Variants in FMNL2 observed in about 807,000 individuals in gnomAD.
The protein encoded by FMNL2 is formin like 2.
FMNL2 carries 51 observed loss-of-function variants against 130.2 expected under a neutral mutation model. The ratio of observed to expected loss-of-function variants is 0.39; its 90% CI spans 0.31 to 0.49. The LOEUF (loss-of-function observed/expected upper bound fraction) is 0.49, where lower values mean the gene tolerates loss of function less well. Ranked by LOEUF, FMNL2 falls within the 20% of genes least tolerant of loss-of-function variation. FMNL2 has a pLI of 0.85. For synonymous variants in FMNL2, 465 were observed against 467.1 expected (o/e 1.00, Z 0.06); for missense variants, 977 against 1,316.2 (o/e 0.74, Z 3.99).
At chr2:152,369,107 A>C (rs1683728639) in intron 1 of FMNL2, among the ~76,000 whole-genome samples, 1 of 152,168 alleles carries the variant, frequency 6.6e-6, no homozygotes, top group African/African-American at 2.4e-5. Flanking sequence ...GGATCTTCTA[A>C]AGTGATTCTT....
chr2:152,591,154 G>A (rs1276600375), intron 9 of FMNL2, among the ~76,000 whole-genome samples: 2 of 151,426 alleles, frequency 1.3e-5, no homozygotes, highest in South Asian at 2.1e-4. Context: ...GACTACAGGC[G>A]AGTGCCACCA....
chr2:152,393,088 C>T (rs538372707), intron 1 of FMNL2, among the ~76,000 whole-genome samples: 1 of 152,326 alleles, frequency 6.6e-6, no homozygotes, highest in South Asian at 2.1e-4. Context: ...CTTCACCCTT[C>T]CCTCATCTTT....
At chr2:152,346,338 T>C (rs1682121245) in intron 1 of FMNL2, among the ~76,000 whole-genome samples, 1 of 152,122 alleles carries the variant, frequency 6.6e-6, no homozygotes, top group Non-Finnish European at 1.5e-5. Flanking sequence ...ACTTTTATTA[T>C]TTCACCAGTA....
At chr2:152,386,954 T>A (rs1318215713) in intron 1 of FMNL2, among the ~76,000 whole-genome samples, 1 of 152,148 alleles carries the variant, frequency 6.6e-6, no homozygotes, top group African/African-American at 2.4e-5. Flanking sequence ...TGTTTTTTCT[T>A]CCCAGATTCC....
intron 1 of FMNL2, among the ~76,000 whole-genome samples, chr2:152,424,488 T>G (rs751990553): frequency 8.9e-4 from 136 of 152,030 alleles, no homozygotes; most frequent in Admixed American, 2.2e-3. Context: ...CCTCCTGGGT[T>G]CAAGTGATTC....
At chr2:152,335,853 C>T (rs1470021601) in intron 1 of FMNL2, 133 bp downstream of exon 1, 2 of 573,008 alleles carry the variant, frequency 3.5e-6, no homozygotes. Context: ...CCCGCTTTCC[C>T]CTTTGTGGCC....
At chr2:152,486,243 A>G (rs1430307575) in intron 1 of FMNL2, among the ~76,000 whole-genome samples, 2 of 152,234 alleles carry the variant, frequency 1.3e-5, no homozygotes, top group African/African-American at 4.8e-5. Context: ...ATTTACGGGA[A>G]GTTCCCGTGC....
intron 2 of FMNL2, among the ~76,000 whole-genome samples, chr2:152,536,356 C>G (rs1693994315): frequency 6.6e-6 from 1 of 152,158 alleles, no homozygotes; most frequent in South Asian, 2.1e-4. Context: ...GTACTTAGCA[C>G]TAAGCTAAAT....
At chr2:152,462,990 A>T (rs1689331978) in intron 1 of FMNL2, among the ~76,000 whole-genome samples, 1 of 152,160 alleles carries the variant, frequency 6.6e-6, no homozygotes, top group African/African-American at 2.4e-5. Context: ...AGTCCAACAG[A>T]TTCGTTATCC....
intron 4 of FMNL2, among the ~76,000 whole-genome samples, chr2:152,551,468 T>C (rs1694931468): frequency 6.6e-6 from 1 of 152,220 alleles, no homozygotes; most frequent in African/African-American, 2.4e-5. Context: ...ATGCAACCAA[T>C]CACTAGCATA....
intron 4 of FMNL2, among the ~76,000 whole-genome samples, chr2:152,553,243 G>A (rs1462487864): frequency 6.6e-6 from 1 of 152,174 alleles, no homozygotes; most frequent in Non-Finnish European, 1.5e-5. Flanking sequence ...GAGTGTATGT[G>A]TGTATCAAGC....
At chr2:152,336,088 T>A (rs542877631) in intron 1 of FMNL2, among the ~76,000 whole-genome samples, 752 of 67,320 alleles carry the variant, frequency 0.011, 10 homozygotes, top group South Asian at 0.068. Flanking sequence ...GCTTTTTTTT[T>A]AAAAAAAACA....
intron 1 of FMNL2, among the ~76,000 whole-genome samples, chr2:152,389,658 G>C (rs1332957997): frequency 2.0e-5 from 3 of 152,244 alleles, no homozygotes; most frequent in Admixed American, 1.3e-4. Flanking sequence ...ACCTCAGGAC[G>C]TGGATCCGAG....
chr2:152,594,992 G>A (rs1456242626), intron 9 of FMNL2, among the ~76,000 whole-genome samples: 4 of 152,080 alleles, frequency 2.6e-5, no homozygotes, highest in South Asian at 2.1e-4. Context: ...CAAACTCTGC[G>A]TCACAGGGGA....
intron 21 of FMNL2, among the ~76,000 whole-genome samples, chr2:152,635,016 T>C (rs1431744311): frequency 3.9e-5 from 6 of 152,174 alleles, no homozygotes; most frequent in African/African-American, 7.2e-5. Flanking sequence ...GATTCTCATA[T>C]AAAATCCATT....
chr2:152,539,085 G>T (rs921528159), intron 2 of FMNL2: 9 of 152,100 alleles, frequency 5.9e-5, no homozygotes, highest in African/African-American at 2.2e-4. Context: ...TCAGGACCTC[G>T]TTGCCTGCTT....
In FMNL2 at chr2:152,558,730, TCCCCAA is replaced by T; in HGVS notation, c.360-8_360-3del. The stretch of plus-strand genomic sequence containing the variant: ...TTCTCCAATGATTTTTTTTTTTTTT[TCCCCAA>T]CAGATGGGTCAGAGAATTTCTGAAT... On this transcript the variant is annotated splice_region_variant and splice_polypyrimidine_tract_variant and intron_variant, in intron 4 of 25. Coordinates refer to ENST00000288670, the MANE Select transcript of FMNL2 (RefSeq NM_052905.4). The T allele has an allele frequency of 6.4e-7, 1 of 1,562,674 alleles. No homozygotes were observed.
intron 1 of FMNL2, among the ~76,000 whole-genome samples, chr2:152,366,691 C>G (rs2105841360): frequency 6.6e-6 from 1 of 152,286 alleles, no homozygotes; most frequent in Middle Eastern, 3.4e-3. Context: ...AATGGCCAGG[C>G]ACAGTGGCTC....
At chr2:152,467,591 T>G (rs192276613) in intron 1 of FMNL2, among the ~76,000 whole-genome samples, 1 of 152,350 alleles carries the variant, frequency 6.6e-6, no homozygotes, top group East Asian at 1.9e-4. Context: ...CTCGTTTGGA[T>G]AGTATATGCT....
Sources: gnomAD v4.1 joint callset for allele counts (sites outside exome capture counted in the v4.1 genomes callset) on GRCh38, gnomAD v4.1.1 for gene constraint, MANE v1.5 for transcripts, NCBI Gene and HGNC (gene_info 2026-07-23, HGNC 2026-07-21) for gene names.